The following YJEFN3 variants were observed in gnomAD, a reference collection of about 807,000 sequenced individuals.
The protein encoded by YJEFN3 is yjeF N-terminal domain-containing protein 3.
In YJEFN3, 29 loss-of-function variants were observed where a neutral mutation model predicts 31.5. The observed-to-expected ratio is 0.92, with a 90% CI of 0.69 to 1.26. YJEFN3 has a LOEUF of 1.26. Among genes scored for constraint, YJEFN3 ranks in the 50% most tolerant of loss-of-function variants. The pLI, the probability that YJEFN3 is intolerant of heterozygous loss-of-function variation, is 0.00. For missense variants in YJEFN3, 442 were observed against 425.4 expected, an observed-to-expected ratio of 1.04 and a Z score of -0.34; for synonymous variants, 227 against 196.1, an observed-to-expected ratio of 1.16 and a Z score of -1.32.
intron 4 of YJEFN3, 82 bp downstream of exon 4, chr19:19,535,226 G>C: frequency 6.6e-7 from 1 of 1,507,544 alleles, no homozygotes; most frequent in South Asian, 1.2e-5. Context: ...CTTCCCAGGG[G>C]GACATTGACG....
intron 6 of YJEFN3, 33 bp from the exon 7 acceptor site, chr19:19,537,286 A>T: frequency 6.5e-7 from 1 of 1,535,670 alleles, no homozygotes; most frequent in Non-Finnish European, 8.7e-7. Flanking sequence ...CCACCCTCCC[A>T]GTTCCCAATC....
Position 19,535,459 on chromosome 19 carries a change from T to C in YJEFN3, c.543+9T>C, listed in dbSNP as rs746119532. ...GCTACCTGCCCACTGAGGTCAGCGC[T>C]GGGTGGCAAGCAAGGGGGACATGGT... On this transcript the variant is annotated intron_variant, in intron 5 of 6. Coordinates refer to ENST00000514277, the MANE Select transcript of YJEFN3 (RefSeq NM_198537.4). 6.2e-7 allele frequency: 1 copy of C among 1,613,844 alleles called. No individual in the cohort carries two copies. Among genetic ancestry groups the C allele is most frequent in the Non-Finnish European group, 8.5e-7 (1 of 1,179,866 alleles).
chr19:19,536,542 A>G (rs561329125), intron 6 of YJEFN3, among the ~76,000 whole-genome samples: 1 of 151,874 alleles, frequency 6.6e-6, no homozygotes, highest in African/African-American at 2.4e-5. Context: ...TGCTGGGTGT[A>G]GTGGTGCACG....
rs4808206 is a variant in YJEFN3, at chr19:19,534,836, C to T, written c.319-198C>T. The T allele has an allele frequency of 4.0e-5, 17 of 422,992 alleles. No individual in the cohort carries two copies. Among genetic ancestry groups the T allele is most frequent in the African/African-American group, 3.0e-4 (15 of 49,384 alleles). The allele number at this position is 422,992 out of a possible 1,614,324, so 26.2% of individuals were successfully genotyped here. Reference sequence around the variant, plus strand: ...GCACCGACCTGGCAGAGCCTGAGACCGGGCCTCTGCATCTCCAGCGGGGAA... The same window carrying T: ...GCACCGACCTGGCAGAGCCTGAGACTGGGCCTCTGCATCTCCAGCGGGGAA... On this transcript the variant is annotated intron_variant, in intron 3 of 6. Coordinates refer to ENST00000514277, the MANE Select transcript of YJEFN3 (RefSeq NM_198537.4). The surrounding 1 kb of genome is among the most constrained non-coding windows in gnomAD (Gnocchi z 4.6).
rs144869802 is a variant in YJEFN3 at position 19,529,832 on chromosome 19, C to G, written c.209+319C>G. 4.8e-3 allele frequency among the ~76,000 whole-genome samples: 735 copies of G among 152,288 alleles called. 6 individuals are homozygous for G. Among genetic ancestry groups the G allele is most frequent in the South Asian group, 0.041 (199 of 4,828 alleles). On this transcript the variant is annotated intron_variant, in intron 2 of 6. Transcript: ENST00000514277. ...GTAGGAGCTAGAACGTAGTGGGGAA[C>G]TGGCTGACGAGGCTGGAGACACAGA...
chr19:19,532,838 C>T, intron 3 of YJEFN3, 98 bp downstream of exon 3: 1 of 1,160,686 alleles, frequency 8.6e-7, no homozygotes, highest in Non-Finnish European at 1.2e-6. Context: ...CCCTCAAGAA[C>T]TCCCTTTTTG....
intron 3 of YJEFN3, 125 bp downstream of exon 3, chr19:19,532,865 C>T: frequency 1.8e-6 from 2 of 1,087,360 alleles, no homozygotes; most frequent in South Asian, 1.7e-5. Context: ...CCTACCCCAG[C>T]CTGATGGGTA....
rs2061223138 is a variant in YJEFN3, at chr19:19,537,495, A to T, written c.871A>T (p.Thr291Ser). 2 of 1,570,112 alleles carry T rather than the reference A, an allele frequency of 1.3e-6. No homozygotes were observed. The highest frequency in any genetic ancestry group is 1.7e-6 in the Non-Finnish European group (2 of 1,160,158). Residue 291 changes from threonine to serine, a missense_variant, in exon 7 of 7, where the codon ACG (threonine) becomes TCG (serine). Coordinates refer to ENST00000514277, the MANE Select transcript of YJEFN3 (RefSeq NM_198537.4). ...RKFALRLPGY[T>S]GTDCVAAL ...GTTCGCTCTGCGCCTGCCGGGATACACGGGCACCGACTGCGTCGCGGCACT... is the reference window on the plus strand; with the variant it reads ...GTTCGCTCTGCGCCTGCCGGGATACTCGGGCACCGACTGCGTCGCGGCACT...
intron 3 of YJEFN3, chr19:19,533,707 G>A: frequency 2.0e-6 from 2 of 985,252 alleles, no homozygotes; most frequent in Non-Finnish European, 2.4e-6. Context: ...TTCTTCATGT[G>A]GACTTAAATG....
chr19:19,529,295 A>T, intron 1 of YJEFN3, 69 bp from the exon 2 acceptor site: 1 of 1,527,438 alleles, frequency 6.5e-7, no homozygotes, highest in Non-Finnish European at 8.8e-7. Context: ...TGAATGATTC[A>T]TCAGCAGCGC....
At chr19:19,529,331 C>A in intron 1 of YJEFN3, 33 bp from the exon 2 acceptor site, 1 of 1,587,854 alleles carries the variant, frequency 6.3e-7, no homozygotes, top group African/African-American at 1.3e-5. Flanking sequence ...CGAACCCCAA[C>A]CGTGGCCCAC....
At position 19,534,781 on chromosome 19, in the gene YJEFN3, A is replaced by C; in HGVS notation, c.319-253A>C. 2.7e-6 allele frequency: 1 copy of C among 375,690 alleles called. No individual in the cohort carries two copies. Among genetic ancestry groups the C allele is most frequent in the Non-Finnish European group, 4.8e-6 (1 of 210,224 alleles). The allele number at this position is 375,690 out of a possible 1,614,324, so 23.3% of individuals were successfully genotyped here. Reference sequence around the variant, plus strand: ...GAATAAACAAACCGCACTCCGGGCGACGGGCAGTGGCTGGATGCACGTTTT... The same window carrying C: ...GAATAAACAAACCGCACTCCGGGCGCCGGGCAGTGGCTGGATGCACGTTTT... On this transcript the variant is annotated intron_variant, in intron 3 of 6. Coordinates refer to ENST00000514277, the MANE Select transcript of YJEFN3 (RefSeq NM_198537.4). The surrounding 1 kb of genome is among the most constrained non-coding windows in gnomAD (Gnocchi z 4.6).
Position 19,537,463 on chromosome 19 carries a change from G to T in YJEFN3, c.839G>T (p.Arg280Leu). ...VAGRFVPDDV[R>L]RKFALRLPGY... ...GGCAGGTTCGTGCCCGATGACGTGC[G>T]CCGCAAGTTCGCTCTGCGCCTGCCG... Residue 280 changes from arginine (R) to leucine (L), a missense_variant, in exon 7 of 7, where the codon CGC becomes CTC. Physicochemically the swap from Arg to Leu is moderately radical, Grantham distance 102. Coordinates refer to ENST00000514277, the MANE Select transcript of YJEFN3 (RefSeq NM_198537.4). 1 of 1,586,888 alleles carries T rather than the reference G, an allele frequency of 6.3e-7. No homozygotes were observed.
rs756591283 is a variant in YJEFN3, at chr19:19,529,404, G to C, written c.100G>C (p.Ala34Pro). 6.2e-7 allele frequency: 1 copy of C among 1,613,940 alleles called. No individual in the cohort carries two copies. The highest frequency in any genetic ancestry group is 8.5e-7 in the Non-Finnish European group (1 of 1,179,988). Residue 34 changes from alanine (A) to proline (P), a missense_variant, in exon 2 of 7, where the codon GCG becomes CCG. By Grantham distance (27) the Ala-to-Pro change is conservative. Transcript: ENST00000514277. ...GCCCCCACTTGCCGACATGGGAAGA[G>C]CGGAGCTTAGCTCAAATGCTACCAC... Reference protein sequence around the residue: ...LQPPLADMGRAELSSNATTSL... With the variant: ...LQPPLADMGRPELSSNATTSL...
intron 3 of YJEFN3, chr19:19,533,143 C>G (rs1189454996): frequency 1.6e-5 from 16 of 1,009,440 alleles, no homozygotes; most frequent in Non-Finnish European, 1.8e-5. Context: ...GGGGCCTGCC[C>G]TGGGTCAGAG....
In YJEFN3 at chr19:19,535,522, T is replaced by A. The variant is rs1273059887; in HGVS notation, c.544-7T>A. ...TGGGCCACCCTGACCCTGCCTGCCTTCCCCAGGTGCAGCTCATTAACGAAG... is the reference window on the plus strand; with the variant it reads ...TGGGCCACCCTGACCCTGCCTGCCTACCCCAGGTGCAGCTCATTAACGAAG... On this transcript the variant is annotated splice_region_variant and splice_polypyrimidine_tract_variant and intron_variant, in intron 5 of 6. Coordinates refer to ENST00000514277, the MANE Select transcript of YJEFN3 (RefSeq NM_198537.4). 6 of 1,606,894 alleles carry A rather than the reference T, an allele frequency of 3.7e-6. No homozygotes were observed. Among genetic ancestry groups the A allele is most frequent in the Non-Finnish European group, 4.3e-6 (5 of 1,175,432 alleles).
chr19:19,534,968 G>A lies in YJEFN3; in HGVS notation c.319-66G>A, dbSNP rs1454604379. The A allele has an allele frequency of 1.4e-6, 2 of 1,413,836 alleles. No homozygotes were observed. The highest frequency in any genetic ancestry group is 2.9e-5 in the African/African-American group (2 of 69,676). The allele number at this position is 1,413,836 out of a possible 1,614,324, so 87.6% of individuals were successfully genotyped here. A position where few individuals can be genotyped will look rare whatever the true frequency, so the allele number is the denominator to read the frequency against. On this transcript the variant is annotated intron_variant, in intron 3 of 6. Transcript: ENST00000514277. This position sits in a 1 kb window ranked among gnomAD's most constrained non-coding sequence, Gnocchi z 4.6. ...ATCCCTTCCCCTACTCCGGGCCTCAGTTTCCTCTCCAGGCAAGGAGGAATC... is the reference window on the plus strand; with the variant it reads ...ATCCCTTCCCCTACTCCGGGCCTCAATTTCCTCTCCAGGCAAGGAGGAATC...
At position 19,535,548 on chromosome 19, in the gene YJEFN3, C is replaced by A. The variant is rs759305494; in HGVS notation, c.563C>A (p.Ala188Asp). The change falls in exon 6 of 7, where the codon GCC becomes GAC. Residue 188 changes from alanine to aspartate, a missense_variant. Transcript: ENST00000514277. ...CCCCAGGTGCAGCTCATTAACGAAGCCTATGGGCTGGTGGTGGATGCCGTA... is the reference window on the plus strand; with the variant it reads ...CCCCAGGTGCAGCTCATTAACGAAGACTATGGGCTGGTGGTGGATGCCGTA... ...LPTEVQLINE[A>D]YGLVVDAVLG... 4.4e-6 allele frequency: 7 copies of A among 1,595,950 alleles called. No homozygotes were observed. In the South Asian group the frequency reaches 6.8e-5, roughly 15 times the overall value.
intron 3 of YJEFN3, chr19:19,533,689 C>CA: frequency 1.0e-6 from 1 of 985,280 alleles, no homozygotes. Flanking sequence ...TTTAAAAACT[C>CA]AATGTTTTTC....
Sources: allele counts gnomAD v4.1 joint callset (sites outside exome capture counted in the v4.1 genomes callset), GRCh38; gene constraint gnomAD v4.1.1; non-coding constraint Gnocchi (gnomAD v3.1); transcripts MANE v1.5; gene names NCBI Gene and HGNC (gene_info 2026-07-23, HGNC 2026-07-21).